The following RB1CC1 variants were observed in gnomAD, a reference collection of about 807,000 sequenced individuals.
RB1CC1 encodes the protein RB1 inducible coiled-coil 1, also known as RB1-inducible coiled-coil protein 1.
A neutral mutation model predicts 177.5 loss-of-function variants in RB1CC1; 46 were observed. That is an observed-to-expected ratio of 0.26 (90% CI 0.20 to 0.33). The LOEUF is 0.33. Among genes scored for constraint, RB1CC1 ranks in the 10% least tolerant of loss-of-function variants. The pLI, the probability that RB1CC1 is intolerant of heterozygous loss-of-function variation, is 1.00. For synonymous variants in RB1CC1, 666 were observed against 613.6 expected (o/e 1.09, Z -1.26); for missense variants, 1,703 against 1,816.3 (o/e 0.94, Z 1.13).
chr8:52,654,504 T>C (rs1016852547), intron 15 of RB1CC1, among the ~76,000 whole-genome samples: 11 of 152,204 alleles, frequency 7.2e-5, no homozygotes, highest in African/African-American at 2.4e-4. Context: ...GTCAGACTGG[T>C]GCTTTGAAGA....
chr8:52,637,398 G>T (rs2150396113), intron 18 of RB1CC1, among the ~76,000 whole-genome samples: 1 of 152,190 alleles, frequency 6.6e-6, no homozygotes, highest in Admixed American at 6.5e-5. Flanking sequence ...AAGAGACAGG[G>T]TCTTGTTATG....
chr8:52,624,106 C>CAA (rs1229017546), intron 23 of RB1CC1, among the ~76,000 whole-genome samples: 5 of 151,796 alleles, frequency 3.3e-5, no homozygotes, highest in Non-Finnish European at 7.4e-5. Flanking sequence ...ATAGGAAAGA[C>CAA]AAAGTTGGTA....
chr8:52,623,687 A>G lies in RB1CC1; in HGVS notation c.*95T>C. ...AGTATATTGTCACGCTGACTTTTGC[A>G]TAAAAAGATGGCCTGCTGTTTTTGG... On this transcript the variant is annotated 3_prime_UTR_variant, in exon 24 of 24. Transcript: ENST00000025008. The G allele has an allele frequency of 1.1e-6, 1 of 871,616 alleles. No individual in the cohort carries two copies. Among genetic ancestry groups the G allele is most frequent in the Non-Finnish European group, 1.9e-6 (1 of 520,290 alleles). The allele number at this position is 871,616 out of a possible 1,614,324, so 54.0% of individuals were successfully genotyped here.
At chr8:52,704,251 TATAA>T (rs1420795411) in intron 1 of RB1CC1, among the ~76,000 whole-genome samples, 5 of 152,172 alleles carry the variant, frequency 3.3e-5, no homozygotes, top group African/African-American at 7.2e-5. Context: ...TCTGATCTTC[TATAA>T]ATAGTCAAAT....
intron 17 of RB1CC1, 33 bp downstream of exon 17, chr8:52,642,671 A>G: frequency 6.4e-7 from 1 of 1,571,396 alleles, no homozygotes; most frequent in Non-Finnish European, 8.6e-7. Context: ...CCACTTTAAA[A>G]AATTAAAAAA....
chr8:52,684,391 C>CT (rs1474929175), intron 3 of RB1CC1, among the ~76,000 whole-genome samples: 3 of 152,034 alleles, frequency 2.0e-5, no homozygotes, highest in Non-Finnish European at 1.5e-5. Flanking sequence ...TTAATGAAAA[C>CT]TAATTCTGGA....
chr8:52,646,982 T>C (rs746517940), intron 15 of RB1CC1, among the ~76,000 whole-genome samples: 10 of 152,160 alleles, frequency 6.6e-5, no homozygotes, highest in Non-Finnish European at 1.2e-4. Context: ...TAAATGTCCC[T>C]CTTTGTTTTT....
rs772956601 is a variant in RB1CC1, at chr8:52,683,910, C to A, written c.175G>T (p.Val59Leu). Residue 59 changes from valine (V) to leucine (L), a missense_variant, in exon 4 of 24, where the codon GTG becomes TTG. By Grantham distance (32) the Val-to-Leu change is conservative. Coordinates refer to ENST00000025008, the MANE Select transcript of RB1CC1 (RefSeq NM_014781.5). ...GGECMAADRR[V>L]CTYSAGTDTN... ...ACCGTCCCAGCACTGTAGGTACACA[C>A]TCTTCGATCTGCAGCCATGCATTCT... 6.2e-7 allele frequency: 1 copy of A among 1,614,126 alleles called. No homozygotes were observed. Among genetic ancestry groups the A allele is most frequent in the Non-Finnish European group, 8.5e-7 (1 of 1,180,030 alleles).
chr8:52,626,096 TA>T (rs1375351315), intron 22 of RB1CC1, among the ~76,000 whole-genome samples: 1 of 152,078 alleles, frequency 6.6e-6, no homozygotes, highest in Admixed American at 6.5e-5. Flanking sequence ...AAGAATCATC[TA>T]AAAATAAATG....
At chr8:52,649,943 C>T (rs193290961) in intron 15 of RB1CC1, among the ~76,000 whole-genome samples, 1 of 152,192 alleles carries the variant, frequency 6.6e-6, no homozygotes, top group African/African-American at 2.4e-5. Flanking sequence ...CACAAGTGGA[C>T]CGAACAGTAT....
At chr8:52,654,420 C>G (rs933021659) in intron 15 of RB1CC1, among the ~76,000 whole-genome samples, 3 of 152,152 alleles carry the variant, frequency 2.0e-5, no homozygotes, top group African/African-American at 7.2e-5. Context: ...CCAGAGGTGG[C>G]TGTAGCCAGA....
At chr8:52,635,584 T>A (rs16918014) in intron 19 of RB1CC1, among the ~76,000 whole-genome samples, 1 of 152,144 alleles carries the variant, frequency 6.6e-6, no homozygotes, top group African/African-American at 2.4e-5. Context: ...ATTTCAATTC[T>A]TTATTTAAAA....
intron 8 of RB1CC1, among the ~76,000 whole-genome samples, chr8:52,663,478 T>C (rs1258466804): frequency 7.2e-5 from 11 of 152,076 alleles, no homozygotes; most frequent in Admixed American, 7.2e-4. Flanking sequence ...GTTCAGGCAA[T>C]AAATAATAAA....
At chr8:52,635,568 T>C (rs1849077760) in intron 19 of RB1CC1, among the ~76,000 whole-genome samples, 1 of 152,168 alleles carries the variant, frequency 6.6e-6, no homozygotes, top group Non-Finnish European at 1.5e-5. Context: ...CAGTTTTTTC[T>C]TGTCCATTTC....
At chr8:52,695,776 C>CT (rs1260097970) in intron 1 of RB1CC1, among the ~76,000 whole-genome samples, 26 of 152,308 alleles carry the variant, frequency 1.7e-4, no homozygotes, top group East Asian at 7.7e-4. Flanking sequence ...TGCTCTCTGC[C>CT]ATTGCCTGAT....
intron 5 of RB1CC1, among the ~76,000 whole-genome samples, chr8:52,680,995 T>TGTGTG (rs371708265): frequency 1.4e-3 from 117 of 82,622 alleles, no homozygotes; most frequent in South Asian, 6.4e-3. Flanking sequence ...TGTGTGTGTG[T>TGTGTG]TTTTTTTTTT....
intron 7 of RB1CC1, among the ~76,000 whole-genome samples, chr8:52,673,393 C>T (rs572327862): frequency 1.8e-4 from 28 of 152,250 alleles, no homozygotes; most frequent in African/African-American, 6.5e-4. Flanking sequence ...CTAAAAAATA[C>T]AGTGTCTACG....
chr8:52,685,647 A>G (rs1252733622), intron 2 of RB1CC1, 127 bp from the exon 3 acceptor site: 5 of 420,282 alleles, frequency 1.2e-5, no homozygotes, highest in Admixed American at 4.4e-5. Flanking sequence ...TTTGATGTCT[A>G]GGATGGCTAA....
In RB1CC1 at chr8:52,627,408, C is replaced by G. The variant is rs187008348; in HGVS notation, c.4636+624G>C. Reference sequence around the variant, plus strand: ...TACTTGACTTTGTTGCGAGTCAGTCCAATTAGATTAGGAACATCAATCTAA... The same window carrying G: ...TACTTGACTTTGTTGCGAGTCAGTCGAATTAGATTAGGAACATCAATCTAA... On this transcript the variant is annotated intron_variant, in intron 22 of 23. Coordinates refer to ENST00000025008, the MANE Select transcript of RB1CC1 (RefSeq NM_014781.5). 2.3e-3 allele frequency among the ~76,000 whole-genome samples: 354 copies of G among 152,222 alleles called. 11 individuals carry two copies. The highest frequency in any genetic ancestry group is 0.022 in the Admixed American group (329 of 15,276).
Sources: allele counts gnomAD v4.1 joint callset (sites outside exome capture counted in the v4.1 genomes callset), GRCh38; gene constraint gnomAD v4.1.1; transcripts MANE v1.5; gene names NCBI Gene and HGNC (gene_info 2026-07-23, HGNC 2026-07-21).